Variants in FTO observed in about 807,000 individuals in gnomAD.
FTO encodes alpha-ketoglutarate-dependent dioxygenase FTO.
A neutral mutation model predicts 63.9 loss-of-function variants in FTO; 47 were observed. That is an observed-to-expected ratio of 0.74 (90% CI 0.58 to 0.94). The LOEUF (loss-of-function observed/expected upper bound fraction) is 0.94, where lower values mean the gene tolerates loss of function less well. FTO is among the 40% of genes least tolerant of loss of function. FTO has a pLI of 0.00. For missense variants in FTO, 562 were observed against 618.1 expected (o/e 0.91, Z 0.96); for synonymous variants, 207 against 224.4 (o/e 0.92, Z 0.69).
chr16:53,728,563 AC>A (rs139628206), intron 1 of FTO, among the ~76,000 whole-genome samples: 183 of 152,290 alleles, frequency 1.2e-3, no homozygotes, highest in African/African-American at 4.3e-3. Context: ...GGAGAGAGAG[AC>A]AAAAAATAAA....
chr16:53,961,769 C>A (rs994375688), intron 8 of FTO, among the ~76,000 whole-genome samples: 3 of 152,212 alleles, frequency 2.0e-5, no homozygotes, highest in Admixed American at 1.3e-4. Context: ...GTTATGATGA[C>A]CAACATTGAC....
intron 8 of FTO, among the ~76,000 whole-genome samples, chr16:53,990,625 A>G (rs1481939066): frequency 9.1e-5 from 13 of 142,870 alleles, no homozygotes; most frequent in African/African-American, 3.7e-4. Context: ...ATGCTTTTAC[A>G]TGCTTTGCAT....
chr16:53,771,977 G>A (rs1170703459), intron 1 of FTO, among the ~76,000 whole-genome samples: 6 of 152,040 alleles, frequency 3.9e-5, no homozygotes, highest in East Asian at 1.9e-4. Context: ...GACTGCTAAT[G>A]GATGCAGGGT....
At chr16:53,885,320 G>A (rs1048696208) in intron 6 of FTO, among the ~76,000 whole-genome samples, 3 of 152,162 alleles carry the variant, frequency 2.0e-5, no homozygotes, top group African/African-American at 4.8e-5. Flanking sequence ...GGTAAACGTG[G>A]CATTTGATTA....
At chr16:53,753,406 C>CTT (rs201595887) in intron 1 of FTO, among the ~76,000 whole-genome samples, 10 of 145,344 alleles carry the variant, frequency 6.9e-5, no homozygotes, top group East Asian at 4.0e-4. Context: ...GGAACTTACA[C>CTT]TTTTTTTTTT....
At chr16:53,775,327 G>A (rs2077435764) in intron 1 of FTO, among the ~76,000 whole-genome samples, 1 of 152,048 alleles carries the variant, frequency 6.6e-6, no homozygotes, top group African/African-American at 2.4e-5. Flanking sequence ...CACGTGTCTT[G>A]GTACTATGTG....
In FTO at chr16:53,902,790, A is replaced by G. The variant is rs550295107; in HGVS notation, c.1239+13839A>G. On this transcript the variant is annotated intron_variant, in intron 7 of 8. Transcript: ENST00000471389. The stretch of plus-strand genomic sequence containing the variant: ...CTGTTTGCTTATAAATATACATACA[A>G]TATCATAGACACAGGATGCAGAATT... Among the ~76,000 whole-genome samples, 6 of 152,302 alleles carry G rather than the reference A, an allele frequency of 3.9e-5. No individual in the cohort carries two copies. In the East Asian group the frequency reaches 1.2e-3, roughly 29 times the overall value.
intron 1 of FTO, among the ~76,000 whole-genome samples, chr16:53,765,814 GA>G (rs2077186364): frequency 6.6e-6 from 1 of 152,104 alleles, no homozygotes; most frequent in South Asian, 2.1e-4. Context: ...TAAAGAGAAG[GA>G]AACGAAAGGG....
At chr16:53,840,761 T>C (rs1001385869) in intron 3 of FTO, among the ~76,000 whole-genome samples, 6 of 152,138 alleles carry the variant, frequency 3.9e-5, no homozygotes, top group African/African-American at 1.4e-4. Flanking sequence ...ATGAGTAAAG[T>C]GAAGTGGCTG....
chr16:54,104,020 C>T (rs1013360175), intron 8 of FTO, among the ~76,000 whole-genome samples: 2 of 152,106 alleles, frequency 1.3e-5, no homozygotes, highest in African/African-American at 4.8e-5. Flanking sequence ...CAGGTACTGG[C>T]AGGGATTTAG....
At chr16:53,870,139 T>G (rs1415531341) in intron 4 of FTO, among the ~76,000 whole-genome samples, 2 of 152,192 alleles carry the variant, frequency 1.3e-5, no homozygotes, top group Admixed American at 6.5e-5. Context: ...GGCTAGGAGT[T>G]CTAGGTGGCA....
At chr16:53,816,870 G>A (rs1032398375) in intron 2 of FTO, among the ~76,000 whole-genome samples, 8 of 152,164 alleles carry the variant, frequency 5.3e-5, no homozygotes, top group Admixed American at 1.3e-4. Flanking sequence ...GAAAATAGAC[G>A]TTTCGCTCTC....
intron 1 of FTO, among the ~76,000 whole-genome samples, chr16:53,743,673 C>G (rs150232423): frequency 6.6e-6 from 1 of 150,994 alleles, no homozygotes; most frequent in Non-Finnish European, 1.5e-5. Context: ...TGTGTTACTA[C>G]GCAGATAATG....
At chr16:53,849,904 T>G (rs931634164) in intron 4 of FTO, among the ~76,000 whole-genome samples, 1 of 152,184 alleles carries the variant, frequency 6.6e-6, no homozygotes, top group Non-Finnish European at 1.5e-5. Flanking sequence ...TTGCCCTGAT[T>G]TAGACATTTT....
intron 8 of FTO, chr16:53,937,622 G>C (rs967542307): frequency 1.1e-5 from 2 of 186,492 alleles, no homozygotes; most frequent in Non-Finnish European, 2.2e-5. Flanking sequence ...GAGGAGGGTG[G>C]GGCCCGGCGT....
intron 1 of FTO, among the ~76,000 whole-genome samples, chr16:53,717,881 C>A (rs1208904648): frequency 6.6e-6 from 1 of 152,094 alleles, no homozygotes; most frequent in African/African-American, 2.4e-5. Flanking sequence ...TTTGACACAT[C>A]ATTTTAATTG....
intron 1 of FTO, among the ~76,000 whole-genome samples, chr16:53,745,067 A>G (rs1031187702): frequency 6.6e-6 from 1 of 152,314 alleles, no homozygotes; most frequent in African/African-American, 2.4e-5. Context: ...CTTGGAGGTG[A>G]TTTAAAAAGA....
chr16:53,911,633 G>A (rs1034302431), intron 7 of FTO: 8 of 623,646 alleles, frequency 1.3e-5, no homozygotes, highest in Non-Finnish European at 2.0e-5. Context: ...GAAGTGCACT[G>A]TAGCCAGACA....
chr16:54,089,692 A>T (rs1257455120), intron 8 of FTO, among the ~76,000 whole-genome samples: 2 of 152,302 alleles, frequency 1.3e-5, no homozygotes, highest in East Asian at 3.9e-4. Flanking sequence ...CAATAACAGG[A>T]AGACAATCTA....
Sources: gnomAD v4.1 joint callset for allele counts (sites outside exome capture counted in the v4.1 genomes callset) on GRCh38, gnomAD v4.1.1 for gene constraint, MANE v1.5 for transcripts, NCBI Gene and HGNC (gene_info 2026-07-23, HGNC 2026-07-21) for gene names.